NMNAT2: variants seen among roughly 807,000 people sequenced by gnomAD.
The protein encoded by NMNAT2 is nicotinamide/nicotinic acid mononucleotide adenylyltransferase 2.
NMNAT2 carries 11 observed loss-of-function variants against 41.6 expected under a neutral mutation model. The observed-to-expected ratio is 0.26, with a 90% CI of 0.17 to 0.44. NMNAT2 has a LOEUF of 0.44. Among genes scored for constraint, NMNAT2 ranks in the 20% least tolerant of loss-of-function variants. NMNAT2 has a pLI of 1.00. For missense variants in NMNAT2, 288 were observed against 407.7 expected, an observed-to-expected ratio of 0.71 and a Z score of 2.53; for synonymous variants, 148 against 151.2, an observed-to-expected ratio of 0.98 and a Z score of 0.16.
In NMNAT2 at chr1:183,417,499, G is replaced by A. The variant is rs149779375; in HGVS notation, c.85+684C>T. On this transcript the variant is annotated intron_variant, in intron 1 of 10. Coordinates refer to ENST00000287713, the MANE Select transcript of NMNAT2 (RefSeq NM_015039.4). ...TCGCGCAGGGCCTCCCGCAGCCTCCGCCCGGCCCCCTCCCCGTCCTAGGCA... is the reference window on the plus strand; with the variant it reads ...TCGCGCAGGGCCTCCCGCAGCCTCCACCCGGCCCCCTCCCCGTCCTAGGCA... 3.3e-5 allele frequency among the ~76,000 whole-genome samples: 5 copies of A among 152,196 alleles called. No individual in the cohort carries two copies. In the East Asian group the frequency reaches 7.7e-4, roughly 24 times the overall value.
chr1:183,414,509 T>A (rs1271036109), intron 1 of NMNAT2, among the ~76,000 whole-genome samples: 1 of 152,232 alleles, frequency 6.6e-6, no homozygotes, highest in East Asian at 1.9e-4. Flanking sequence ...TTACATTTTT[T>A]AAAACTTCCA....
chr1:183,273,057 A>G (rs1661025125), intron 8 of NMNAT2, among the ~76,000 whole-genome samples: 1 of 152,240 alleles, frequency 6.6e-6, no homozygotes, highest in African/African-American at 2.4e-5. Flanking sequence ...AACAGGCTTT[A>G]GCTTACATTT....
chr1:183,406,095 G>A (rs1374439273), intron 1 of NMNAT2, among the ~76,000 whole-genome samples: 1 of 152,206 alleles, frequency 6.6e-6, no homozygotes, highest in East Asian at 1.9e-4. Flanking sequence ...GAGAGAGACA[G>A]TGCCACAAAT....
At chr1:183,363,251 G>C (rs1040314682) in intron 1 of NMNAT2, among the ~76,000 whole-genome samples, 7 of 152,112 alleles carry the variant, frequency 4.6e-5, no homozygotes, top group Non-Finnish European at 7.4e-5. Context: ...TCATCACTTA[G>C]TTATGTGACC....
intron 8 of NMNAT2, among the ~76,000 whole-genome samples, chr1:183,270,645 A>T (rs1469034909): frequency 1.3e-5 from 2 of 152,162 alleles, no homozygotes; most frequent in Non-Finnish European, 2.9e-5. Context: ...TTCCAGACTC[A>T]AGTCAACAGC....
intron 1 of NMNAT2, among the ~76,000 whole-genome samples, chr1:183,294,607 A>G (rs1401999469): frequency 2.0e-5 from 3 of 152,292 alleles, no homozygotes; most frequent in South Asian, 2.1e-4. Flanking sequence ...CCTGGCCAAC[A>G]TGGTGAAACC....
intron 8 of NMNAT2, among the ~76,000 whole-genome samples, chr1:183,268,981 G>T (rs1167295083): frequency 6.6e-6 from 1 of 152,190 alleles, no homozygotes; most frequent in African/African-American, 2.4e-5. Flanking sequence ...ACCCCAGGAT[G>T]ATTGCTTGAG....
chr1:183,316,908 G>C (rs1001835951), intron 1 of NMNAT2, among the ~76,000 whole-genome samples: 1 of 152,222 alleles, frequency 6.6e-6, no homozygotes, highest in Non-Finnish European at 1.5e-5. Context: ...CTCTAAGTCA[G>C]CATCCTTGGC....
chr1:183,282,303 C>T (rs1661291656), intron 7 of NMNAT2, among the ~76,000 whole-genome samples: 2 of 152,218 alleles, frequency 1.3e-5, no homozygotes, highest in Admixed American at 1.3e-4. Flanking sequence ...GGCTGGCTCA[C>T]CATAACTCCA....
At chr1:183,351,519 C>A (rs1400822214) in intron 1 of NMNAT2, among the ~76,000 whole-genome samples, 1 of 152,210 alleles carries the variant, frequency 6.6e-6, no homozygotes, top group Non-Finnish European at 1.5e-5. Flanking sequence ...GGTCTATTTA[C>A]TCTTCTTTAG....
chr1:183,368,134 T>C (rs1161071614), intron 1 of NMNAT2, among the ~76,000 whole-genome samples: 2 of 152,218 alleles, frequency 1.3e-5, no homozygotes, highest in African/African-American at 2.4e-5. Context: ...ATATTTATTA[T>C]ATAAAAGTAT....
At chr1:183,393,712 C>T (rs142252896) in intron 1 of NMNAT2, among the ~76,000 whole-genome samples, 13,471 of 152,154 alleles carry the variant, frequency 0.089, 799 homozygotes, top group Middle Eastern at 0.18. Flanking sequence ...CACACCACCA[C>T]GCCCGGCTAA....
chr1:183,411,869 T>G (rs2101932354), intron 1 of NMNAT2, among the ~76,000 whole-genome samples: 1 of 151,284 alleles, frequency 6.6e-6, no homozygotes, highest in East Asian at 1.9e-4. Context: ...ATCAGGGGAG[T>G]AGGTTCTGCC....
intron 10 of NMNAT2, among the ~76,000 whole-genome samples, chr1:183,255,752 C>T (rs1660500066): frequency 6.6e-6 from 1 of 150,702 alleles, no homozygotes; most frequent in Non-Finnish European, 1.5e-5. Flanking sequence ...CAACCTCAGC[C>T]TCCTGGGTTC....
intron 1 of NMNAT2, 84 bp from the exon 2 acceptor site, chr1:183,293,877 G>C: frequency 1.1e-6 from 1 of 917,058 alleles, no homozygotes; most frequent in East Asian, 2.5e-5. Context: ...GCTCAGCTCT[G>C]TAATGCTGGG....
rs563370733 is a variant in NMNAT2, at chr1:183,402,079, AT to A, written c.85+16103del. ...GAACTTAAAGTATAATAAAAAAAAA[AT>A]ATGCTAAGAGGGTAGTCAAGCCCTA... On this transcript the variant is annotated intron_variant, in intron 1 of 10. Coordinates refer to ENST00000287713, the MANE Select transcript of NMNAT2 (RefSeq NM_015039.4). 1.4e-3 allele frequency among the ~76,000 whole-genome samples: 215 copies of A among 150,962 alleles called. 2 individuals carry two copies. The highest frequency in any genetic ancestry group is 4.6e-3 in the African/African-American group (187 of 40,824).
At chr1:183,297,549 ATTT>A (rs1661736016) in intron 1 of NMNAT2, among the ~76,000 whole-genome samples, 1 of 151,982 alleles carries the variant, frequency 6.6e-6, no homozygotes, top group East Asian at 1.9e-4. Context: ...TCCCCGGCTA[ATTT>A]TGTATTTTTA....
chr1:183,384,405 G>T (rs1211087739), intron 1 of NMNAT2, among the ~76,000 whole-genome samples: 1 of 152,076 alleles, frequency 6.6e-6, no homozygotes, highest in Non-Finnish European at 1.5e-5. Context: ...TCACCATGTT[G>T]GCCATGCTCG....
chr1:183,396,125 C>A (rs898216305), intron 1 of NMNAT2, among the ~76,000 whole-genome samples: 4 of 152,134 alleles, frequency 2.6e-5, no homozygotes, highest in Non-Finnish European at 4.4e-5. Flanking sequence ...GCAAACAAAC[C>A]CTGGCACTAG....
Sources: gnomAD v4.1 joint callset for allele counts (sites outside exome capture counted in the v4.1 genomes callset) on GRCh38, gnomAD v4.1.1 for gene constraint, MANE v1.5 for transcripts, NCBI Gene and HGNC (gene_info 2026-07-23, HGNC 2026-07-21) for gene names.